Variants in ROS1 observed in about 807,000 individuals in gnomAD.
The protein encoded by ROS1 is ROS proto-oncogene 1, receptor tyrosine kinase.
In ROS1, 263 loss-of-function variants were observed where a neutral mutation model predicts 273.5. The observed-to-expected ratio is 0.96, with a 90% CI of 0.87 to 1.06. ROS1 has a LOEUF of 1.06. Ranked by LOEUF, ROS1 falls within the 50% of genes least tolerant of loss-of-function variation. ROS1 has a pLI of 0.00. For missense variants in ROS1, 2,833 were observed against 2,751.1 expected (o/e 1.03, Z -0.67); for synonymous variants, 1,008 against 954.1 (o/e 1.06, Z -1.04).
chr6:117,385,839 G>C lies in ROS1; in HGVS notation c.2133C>G (p.Ser711Arg), dbSNP rs752460038. 1 of 1,614,072 alleles carries C rather than the reference G, an allele frequency of 6.2e-7. No individual in the cohort carries two copies. Among genetic ancestry groups the C allele is most frequent in the Non-Finnish European group, 8.5e-7 (1 of 1,179,974 alleles). ...NVSDMDWYNN[S>R]LYYSDTKGDV... ...CGCCTTTCGTGTCACTGTAGTAGAG[G>C]CTGTTGTTATACCAATCCATGTCTC... The change falls in exon 16 of 44, where the codon AGC (serine) becomes AGG (arginine). Residue 711 changes from serine to arginine, a missense_variant. Coordinates refer to ENST00000368507, the MANE Select transcript of ROS1 (RefSeq NM_001378902.1).
rs1457645407 is a variant in ROS1 at position 117,310,576 on chromosome 6, T to A, written c.6216-295A>T. 2.0e-5 allele frequency among the ~76,000 whole-genome samples: 3 copies of A among 152,062 alleles called. No homozygotes were observed. The East Asian group carries it at 5.8e-4, about 30-fold the overall frequency. ...ACCCCAGACAGGCCCTGGTGTATGATGTTCCCCTCCCTGTGTCCATGTGTT... is the reference window on the plus strand; with the variant it reads ...ACCCCAGACAGGCCCTGGTGTATGAAGTTCCCCTCCCTGTGTCCATGTGTT... On this transcript the variant is annotated intron_variant, in intron 40 of 43. Coordinates refer to ENST00000368507, the MANE Select transcript of ROS1 (RefSeq NM_001378902.1).
chr6:117,365,695 C>T lies in ROS1; in HGVS notation c.2844G>A (p.Glu948=), dbSNP rs2128660999. The part of the protein sequence containing the change: ...TPKVIPDSVQ[E]SSFRIEGNAS... ...CATTTCCTTCAATCCTAAATGAAGA[C>T]TCTTGAACAGAATCTGGAATAACCT... is the stretch of plus-strand genomic sequence containing the variant. Residue 948 remains glutamate (E), a synonymous_variant, in exon 20 of 44, where the codon GAG becomes GAA. Coordinates refer to ENST00000368507, the MANE Select transcript of ROS1 (RefSeq NM_001378902.1). The T allele has an allele frequency of 6.2e-7, 1 of 1,609,358 alleles. No individual in the cohort carries two copies. Among genetic ancestry groups the T allele is most frequent in the Non-Finnish European group, 8.5e-7 (1 of 1,178,140 alleles).
At chr6:117,293,752 A>G (rs1232745295) in intron 43 of ROS1, among the ~76,000 whole-genome samples, 2 of 152,144 alleles carry the variant, frequency 1.3e-5, no homozygotes, top group Non-Finnish European at 2.9e-5. Context: ...AACTTTTAAG[A>G]AGGTCATGAT....
intron 32 of ROS1, among the ~76,000 whole-genome samples, chr6:117,331,648 CAT>C (rs1777084997): frequency 6.6e-6 from 1 of 152,210 alleles, no homozygotes; most frequent in Non-Finnish European, 1.5e-5. Flanking sequence ...GACCTCTCAA[CAT>C]AAACCCTACA....
At chr6:117,366,370 A>G (rs1780244862) in intron 18 of ROS1, 80 bp from the exon 19 acceptor site, 1 of 940,800 alleles carries the variant, frequency 1.1e-6, no homozygotes, top group African/African-American at 1.6e-5. Flanking sequence ...ATGAGAATAT[A>G]TGTTTGTGAG....
chr6:117,340,070 T>G (rs1482637842), intron 31 of ROS1, among the ~76,000 whole-genome samples: 1 of 152,192 alleles, frequency 6.6e-6, no homozygotes, highest in East Asian at 1.9e-4. Context: ...GGTTTTAGAC[T>G]GAACTGCATT....
intron 39 of ROS1, among the ~76,000 whole-genome samples, chr6:117,315,408 T>C (rs1443884605): frequency 2.0e-5 from 3 of 152,152 alleles, no homozygotes; most frequent in African/African-American, 7.2e-5. Flanking sequence ...ACTGTTACTT[T>C]ACTATGAGTA....
At chr6:117,314,202 A>T (rs375832225) in intron 39 of ROS1, among the ~76,000 whole-genome samples, 9 of 152,110 alleles carry the variant, frequency 5.9e-5, no homozygotes, top group East Asian at 3.9e-4. Flanking sequence ...CTCTCTCCCC[A>T]AACCTTACTA....
At chr6:117,392,016 C>T (rs1773107296) in intron 12 of ROS1, among the ~76,000 whole-genome samples, 1 of 152,150 alleles carries the variant, frequency 6.6e-6, no homozygotes, top group African/African-American at 2.4e-5. Flanking sequence ...AAAAGAGCCA[C>T]TGAAGACCTC....
At chr6:117,408,046 T>G (rs539671419) in intron 5 of ROS1, among the ~76,000 whole-genome samples, 103 of 152,066 alleles carry the variant, frequency 6.8e-4, no homozygotes, top group African/African-American at 2.4e-3. Context: ...TCCTTACACC[T>G]TATACAAAAA....
intron 17 of ROS1, 59 bp from the exon 18 acceptor site, chr6:117,379,218 G>T: frequency 3.0e-6 from 3 of 1,001,414 alleles, no homozygotes; most frequent in South Asian, 1.4e-5. Context: ...ATAACTTTGT[G>T]AACAGGTCAC....
At chr6:117,421,633 T>C (rs899124392) in intron 1 of ROS1, among the ~76,000 whole-genome samples, 1 of 152,220 alleles carries the variant, frequency 6.6e-6, no homozygotes, top group Non-Finnish European at 1.5e-5. Flanking sequence ...CCATGGTGTA[T>C]ATATATCACA....
At chr6:117,340,038 T>A (rs1777806179) in intron 31 of ROS1, among the ~76,000 whole-genome samples, 1 of 152,170 alleles carries the variant, frequency 6.6e-6, no homozygotes, top group South Asian at 2.1e-4. Flanking sequence ...ATCTTGGAAA[T>A]GAACTTTACA....
At chr6:117,338,435 T>A (rs1486403023) in intron 31 of ROS1, among the ~76,000 whole-genome samples, 1 of 151,896 alleles carries the variant, frequency 6.6e-6, no homozygotes, top group Non-Finnish European at 1.5e-5. Flanking sequence ...CTCATAAATG[T>A]ATCAATCCTG....
At chr6:117,398,420 G>T (rs911551802) in intron 7 of ROS1, among the ~76,000 whole-genome samples, 21 of 152,148 alleles carry the variant, frequency 1.4e-4, no homozygotes, top group African/African-American at 5.1e-4. Context: ...GTTTACACCT[G>T]TAATCCTAGC....
intron 42 of ROS1, among the ~76,000 whole-genome samples, chr6:117,303,116 A>G (rs1358778036): frequency 1.3e-5 from 2 of 152,212 alleles, no homozygotes; most frequent in African/African-American, 4.8e-5. Flanking sequence ...GATGCTCTCT[A>G]TATTCCAAGC....
At chr6:117,346,477 A>G (rs1778386796) in intron 27 of ROS1, among the ~76,000 whole-genome samples, 1 of 151,566 alleles carries the variant, frequency 6.6e-6, no homozygotes, top group East Asian at 1.9e-4. Flanking sequence ...AACTCATGCC[A>G]CTCTTGGGAC....
intron 1 of ROS1, among the ~76,000 whole-genome samples, chr6:117,419,201 G>A (rs1775566944): frequency 6.6e-6 from 1 of 152,082 alleles, no homozygotes; most frequent in Non-Finnish European, 1.5e-5. Context: ...TATCCATTTG[G>A]CTCTTCACTC....
intron 18 of ROS1, among the ~76,000 whole-genome samples, chr6:117,371,176 G>C (rs1445431794): frequency 2.6e-5 from 4 of 152,126 alleles, no homozygotes; most frequent in African/African-American, 4.8e-5. Context: ...GAACATACCA[G>C]GAAAGCCGAG....
Sources: allele counts gnomAD v4.1 joint callset (sites outside exome capture counted in the v4.1 genomes callset), GRCh38; gene constraint gnomAD v4.1.1; transcripts MANE v1.5; gene names NCBI Gene and HGNC (gene_info 2026-07-23, HGNC 2026-07-21).